Variants in ZDBF2 observed in about 807,000 individuals in gnomAD.
ZDBF2 encodes zinc finger DBF-type containing 2, also known as DBF4-type zinc finger-containing protein 2.
In ZDBF2, 6 loss-of-function variants were observed where a neutral mutation model predicts 9.4. The observed-to-expected ratio is 0.64, with a 90% CI of 0.35 to 1.27. The LOEUF (loss-of-function observed/expected upper bound fraction) is 1.27. Among genes scored for constraint, ZDBF2 ranks in the 50% most tolerant of loss-of-function variants. The pLI, the probability that ZDBF2 is intolerant of heterozygous loss-of-function variation, is 0.03. For missense variants in ZDBF2, 2,697 were observed against 2,766.8 expected, an observed-to-expected ratio of 0.97 and a Z score of 0.57; for synonymous variants, 905 against 946.3, an observed-to-expected ratio of 0.96 and a Z score of 0.80.
chr2:206,313,204 CAGTT>C lies in ZDBF2; in HGVS notation c.*1612_*1615del, dbSNP rs1319877306. ...TTAGAAATAATGAAATATAGTGTAACAGTTGGTTTCTAAATGTGGTTTTATTTCA... is the reference window on the plus strand; with the variant it reads ...TTAGAAATAATGAAATATAGTGTAACGGTTTCTAAATGTGGTTTTATTTCA... On this transcript the variant is annotated 3_prime_UTR_variant, in exon 5 of 5. Transcript: ENST00000374423. The C allele has an allele frequency of 6.6e-6, 1 of 152,106 alleles. No homozygotes were observed. The highest frequency in any genetic ancestry group is 2.4e-5 in the African/African-American group (1 of 41,424). The allele number at this position is 152,106 out of a possible 1,614,324, so 9.4% of individuals were successfully genotyped here.
chr2:206,276,029 A>G (rs893564673), intron 1 of ZDBF2, among the ~76,000 whole-genome samples: 1 of 152,218 alleles, frequency 6.6e-6, no homozygotes, highest in Admixed American at 6.5e-5. Flanking sequence ...TTTACTCTGC[A>G]TAATAATTGG....
In ZDBF2 at chr2:206,308,243, A is replaced by T; in HGVS notation, c.3715A>T (p.Lys1239Ter). 1 of 1,613,866 alleles carries T rather than the reference A, an allele frequency of 6.2e-7. No individual in the cohort carries two copies. The highest frequency in any genetic ancestry group is 8.5e-7 in the Non-Finnish European group (1 of 1,179,818). ...VDTEDRRNEA[K>*]GFEIMYDSDV... ...CACGGAAGATAGGAGAAATGAAGCT[A>T]AGGGTTTTGAAATTATGTATGATTC... The change falls in exon 5 of 5, where the codon AAG becomes TAG. Residue 1239 changes from lysine to a stop codon, truncating the protein, a stop_gained. Coordinates refer to ENST00000374423, the MANE Select transcript of ZDBF2 (RefSeq NM_020923.3). LOFTEE classifies it low-confidence loss of function (END_TRUNC).
chr2:206,292,679 G>T (rs1044723503), intron 3 of ZDBF2, among the ~76,000 whole-genome samples: 1 of 152,014 alleles, frequency 6.6e-6, no homozygotes, highest in Non-Finnish European at 1.5e-5. Flanking sequence ...ATTTTAAAAG[G>T]TTGTTACACT....
Position 206,306,839 on chromosome 2 carries a change from G to A in ZDBF2, c.2311G>A (p.Gly771Arg). 1 of 1,613,844 alleles carries A rather than the reference G, an allele frequency of 6.2e-7. No homozygotes were observed. The highest frequency in any genetic ancestry group is 8.5e-7 in the Non-Finnish European group (1 of 1,179,822). The change falls in exon 5 of 5, where the codon GGA becomes AGA. Residue 771 changes from glycine to arginine, a missense_variant. Around this residue, in one of 3 missense-constraint regions of ZDBF2, gnomAD observed 910 missense variants for 973.6 expected, o/e 0.93. Coordinates refer to ENST00000374423, the MANE Select transcript of ZDBF2 (RefSeq NM_020923.3). ...VTEQSHLDAE[G>R]KERHIDLEDE... ...TGAGCAGTCTCATCTGGATGCTGAAGGAAAAGAACGGCACATTGACCTGGA... is the reference window on the plus strand; with the variant it reads ...TGAGCAGTCTCATCTGGATGCTGAAAGAAAAGAACGGCACATTGACCTGGA...
chr2:206,294,529 A>G (rs1692067798), intron 3 of ZDBF2, among the ~76,000 whole-genome samples: 1 of 152,156 alleles, frequency 6.6e-6, no homozygotes. Context: ...ACACATGTCC[A>G]GGCTTGTTAC....
chr2:206,301,052 T>C (rs1041311712), intron 4 of ZDBF2, among the ~76,000 whole-genome samples: 7 of 152,160 alleles, frequency 4.6e-5, no homozygotes, highest in African/African-American at 7.2e-5. Flanking sequence ...CCCAACCTAA[T>C]AGGCCAAAAA....
At chr2:206,292,527 G>A (rs1208707527) in intron 3 of ZDBF2, among the ~76,000 whole-genome samples, 1 of 151,956 alleles carries the variant, frequency 6.6e-6, no homozygotes, top group Admixed American at 6.6e-5. Flanking sequence ...TTTGTCAGAG[G>A]TCCTAGTCAA....
In ZDBF2 at chr2:206,306,519, A is replaced by C; in HGVS notation, c.1991A>C (p.His664Pro). ...CTTATGGATATGAACTGTGAATCCC[A>C]TGGTCCTGAAATGGGTTTTCAGGCT... ...ADLMDMNCES[H>P]GPEMGFQADA... The change falls in exon 5 of 5, where the codon CAT (histidine) becomes CCT (proline). Residue 664 changes from histidine to proline, a missense_variant. Physicochemically the swap from His to Pro is moderately conservative, Grantham distance 77. Coordinates refer to ENST00000374423, the MANE Select transcript of ZDBF2 (RefSeq NM_020923.3). 6.2e-7 allele frequency: 1 copy of C among 1,613,798 alleles called. No individual in the cohort carries two copies. Among genetic ancestry groups the C allele is most frequent in the Non-Finnish European group, 8.5e-7 (1 of 1,179,768 alleles).
intron 3 of ZDBF2, among the ~76,000 whole-genome samples, chr2:206,291,641 G>A (rs1402487061): frequency 6.6e-6 from 1 of 152,172 alleles, no homozygotes; most frequent in East Asian, 1.9e-4. Context: ...GAATTTTGGG[G>A]GGATGTAGTT....
At position 206,305,924 on chromosome 2, in the gene ZDBF2, C is replaced by A; in HGVS notation, c.1396C>A (p.Gln466Lys). The change falls in exon 5 of 5, where the codon CAA becomes AAA. Residue 466 changes from glutamine to lysine, a missense_variant. Transcript: ENST00000374423. ...DILHLVTNQS[Q>K]MIVKEISLQN... ...TCTTCACTTGGTTACCAACCAATCCCAAATGATTGTTAAAGAAATAAGTCT... is the reference window on the plus strand; with the variant it reads ...TCTTCACTTGGTTACCAACCAATCCAAAATGATTGTTAAAGAAATAAGTCT... The A allele has an allele frequency of 6.2e-7, 1 of 1,613,276 alleles. No homozygotes were observed. Among genetic ancestry groups the A allele is most frequent in the Non-Finnish European group, 8.5e-7 (1 of 1,179,630 alleles).
chr2:206,287,480 T>C (rs1041334861), intron 3 of ZDBF2, among the ~76,000 whole-genome samples: 5 of 152,218 alleles, frequency 3.3e-5, no homozygotes, highest in African/African-American at 1.2e-4. Context: ...ACTTGATGCT[T>C]TTGCTGTTTT....
In ZDBF2 at chr2:206,306,564, A is replaced by G. The variant is rs1692811864; in HGVS notation, c.2036A>G (p.Gln679Arg). Reference sequence around the variant, plus strand: ...CAGGCTGATGCTCAATTAGCTGACCAGTCTCAAGTAGCCGAAATAGAGCGT... The same window carrying G: ...CAGGCTGATGCTCAATTAGCTGACCGGTCTCAAGTAGCCGAAATAGAGCGT... ...GFQADAQLAD[Q>R]SQVAEIERQK... Residue 679 changes from glutamine (Q) to arginine (R), a missense_variant, in exon 5 of 5, where the codon CAG becomes CGG. By Grantham distance (43) the Gln-to-Arg change is conservative. Coordinates refer to ENST00000374423, the MANE Select transcript of ZDBF2 (RefSeq NM_020923.3). 4.3e-6 allele frequency: 7 copies of G among 1,613,570 alleles called. No individual in the cohort carries two copies. The highest frequency in any genetic ancestry group is 5.9e-6 in the Non-Finnish European group (7 of 1,179,772).
chr2:206,291,782 T>A (rs903580807), intron 3 of ZDBF2, among the ~76,000 whole-genome samples: 2 of 152,208 alleles, frequency 1.3e-5, no homozygotes, highest in Admixed American at 6.5e-5. Flanking sequence ...ATTAATAATA[T>A]TTTGTTGACA....
chr2:206,306,765 C>T lies in ZDBF2; in HGVS notation c.2237C>T (p.Ser746Phe). 1 of 1,613,780 alleles carries T rather than the reference C, an allele frequency of 6.2e-7. No homozygotes were observed. Residue 746 changes from serine (S) to phenylalanine (F), a missense_variant, in exon 5 of 5, where the codon TCC becomes TTC. Ser to Phe is a radical substitution (Grantham distance 155). Around this residue, in one of 3 missense-constraint regions of ZDBF2, gnomAD observed 910 missense variants for 973.6 expected, o/e 0.93. Transcript: ENST00000374423. ...ATGGAAGTTAGGAGCTATGATTGCT[C>T]CAGCTCTGAGTTGACTTTTGATTCT... ...IDMEVRSYDC[S>F]SSELTFDSDP...
chr2:206,286,028 T>C (rs1691583015), intron 3 of ZDBF2, among the ~76,000 whole-genome samples: 1 of 152,228 alleles, frequency 6.6e-6, no homozygotes, highest in Non-Finnish European at 1.5e-5. Flanking sequence ...GTTCCTCTTG[T>C]TACTGATTTC....
intron 4 of ZDBF2, among the ~76,000 whole-genome samples, chr2:206,298,637 C>T (rs1692329506): frequency 6.6e-6 from 1 of 152,292 alleles, no homozygotes; most frequent in African/African-American, 2.4e-5. Context: ...ATTCTCCCTG[C>T]CTTAGCCTCC....
chr2:206,291,055 A>G (rs1285007569), intron 3 of ZDBF2, among the ~76,000 whole-genome samples: 2 of 152,112 alleles, frequency 1.3e-5, no homozygotes, highest in Admixed American at 6.5e-5. Context: ...TATTAGATGT[A>G]TGTGTTTTTT....
At chr2:206,299,815 A>G (rs1374384398) in intron 4 of ZDBF2, among the ~76,000 whole-genome samples, 2 of 150,946 alleles carry the variant, frequency 1.3e-5, no homozygotes, top group African/African-American at 2.4e-5. Flanking sequence ...TAAAAAAAAA[A>G]ACAAGCCCCA....
Position 206,291,575 on chromosome 2 carries a change from A to G in ZDBF2, c.61-5671A>G, listed in dbSNP as rs1248156290. ...CTACTGTTAGGACTTCATTTAACCT[A>G]AATTACCTCCTAAAAGCCCTGTCTC... On this transcript the variant is annotated intron_variant, in intron 3 of 4. Transcript: ENST00000374423. Among the ~76,000 whole-genome samples, 9 of 152,252 alleles carry G rather than the reference A, an allele frequency of 5.9e-5. No homozygotes were observed. In the South Asian group the frequency reaches 1.2e-3, roughly 21 times the overall value.
Sources: allele counts gnomAD v4.1 joint callset (sites outside exome capture counted in the v4.1 genomes callset), GRCh38; gene constraint gnomAD v4.1.1; regional missense constraint gnomAD v4.1.1; transcripts MANE v1.5; gene names NCBI Gene and HGNC (gene_info 2026-07-23, HGNC 2026-07-21).